Variants in ADCY8 observed in about 807,000 individuals in gnomAD.
ADCY8 encodes adenylate cyclase type 8.
ADCY8 carries 51 observed loss-of-function variants against 119.7 expected under a neutral mutation model. The observed-to-expected ratio is 0.43, with a 90% CI of 0.34 to 0.54. ADCY8 has a LOEUF of 0.54. Ranked by LOEUF, ADCY8 falls within the 20% of genes least tolerant of loss-of-function variation. The pLI, the probability that ADCY8 is intolerant of heterozygous loss-of-function variation, is 0.03. For missense variants in ADCY8, 1,383 were observed against 1,598.8 expected, an observed-to-expected ratio of 0.87 and a Z score of 2.30; for synonymous variants, 665 against 651.0, an observed-to-expected ratio of 1.02 and a Z score of -0.33.
rs1824275191 is a variant in ADCY8, at chr8:131,039,380, G to C, written c.954C>G (p.Ile318Met). 1 of 1,612,418 alleles carries C rather than the reference G, an allele frequency of 6.2e-7. No individual in the cohort carries two copies. The highest frequency in any genetic ancestry group is 8.5e-7 in the Non-Finnish European group (1 of 1,178,742). The change falls in exon 1 of 18, where the codon ATC becomes ATG. Residue 318 changes from isoleucine (I) to methionine (M), a missense_variant. Physicochemically the swap from Ile to Met is conservative, Grantham distance 10. This residue lies in a region of ADCY8 where 455 missense variants were observed against 435.3 expected (regional missense o/e 1.05). Coordinates refer to ENST00000286355, the MANE Select transcript of ADCY8 (RefSeq NM_001115.3). ...CAAGGCAGGCAGGAGTTACCTGGTT[G>C]ATGGAAATGACCGCCAGCCGGGGTA... ...VVIPRLAVIS[I>M]NQVVAQAVLF...
Position 130,800,585 on chromosome 8 carries a change from A to G in ADCY8, c.2914-13T>C. 6.2e-7 allele frequency: 1 copy of G among 1,613,502 alleles called. No individual in the cohort carries two copies. The highest frequency in any genetic ancestry group is 2.2e-5 in the East Asian group (1 of 44,860). On this transcript the variant is annotated splice_polypyrimidine_tract_variant and intron_variant, in intron 14 of 17. Transcript: ENST00000286355. ...GAGAATACAGCTCCTGGACAGAGAC[A>G]CACAGAGGGCACCAGAAATGGTCAT...
rs116304969 is a variant in ADCY8 at position 130,916,095 on chromosome 8, G to A, written c.1482-6229C>T. 5.0e-3 allele frequency among the ~76,000 whole-genome samples: 762 copies of A among 152,314 alleles called. 9 individuals are homozygous for A. Among genetic ancestry groups the A allele is most frequent in the African/African-American group, 0.015 (619 of 41,572 alleles). On this transcript the variant is annotated intron_variant, in intron 5 of 17. Coordinates refer to ENST00000286355, the MANE Select transcript of ADCY8 (RefSeq NM_001115.3). The stretch of plus-strand genomic sequence containing the variant: ...TACAAGTGAGAGAACTGAGTCACGA[G>A]AGGTATATTGCTTTACGTCACACAG...
chr8:130,941,657 C>T (rs150100324), intron 4 of ADCY8, among the ~76,000 whole-genome samples: 8 of 152,212 alleles, frequency 5.3e-5, no homozygotes, highest in Admixed American at 1.3e-4. Context: ...CTTCCTCCTC[C>T]GCCCCCGTCA....
intron 6 of ADCY8, among the ~76,000 whole-genome samples, chr8:130,905,896 C>A (rs767013777): frequency 7.9e-5 from 12 of 152,140 alleles, no homozygotes. Flanking sequence ...AAATAAAATG[C>A]AGTTTACTTT....
chr8:130,840,443 A>G lies in ADCY8; in HGVS notation c.2503-3994T>C, dbSNP rs1436197997. On this transcript the variant is annotated intron_variant, in intron 11 of 17. Coordinates refer to ENST00000286355, the MANE Select transcript of ADCY8 (RefSeq NM_001115.3). The stretch of plus-strand genomic sequence containing the variant: ...TTTTGGGGATGTGAGGAGGAGAACT[A>G]GAAGACAATAGTGAAGAAACATGTG... Among the ~76,000 whole-genome samples, 6 of 96,460 alleles carry G rather than the reference A, an allele frequency of 6.2e-5. 1 individual carries two copies. Among genetic ancestry groups the G allele is most frequent in the South Asian group, 1.2e-3 (2 of 1,604 alleles). The allele number at this position is 96,460 out of a possible 152,430, so 63.3% of individuals were successfully genotyped here. A position where few individuals can be genotyped will look rare whatever the true frequency, so the allele number is the denominator to read the frequency against.
intron 1 of ADCY8, among the ~76,000 whole-genome samples, chr8:131,037,082 A>T (rs901410824): frequency 6.6e-6 from 1 of 152,206 alleles, no homozygotes; most frequent in African/African-American, 2.4e-5. Context: ...AAGACTCTTA[A>T]GCCAATAGAG....
chr8:130,790,792 G>C (rs1360023744), intron 15 of ADCY8, among the ~76,000 whole-genome samples: 1 of 152,126 alleles, frequency 6.6e-6, no homozygotes, highest in African/African-American at 2.4e-5. Context: ...TTATACCTTT[G>C]GGCTGAGATG....
At chr8:130,786,454 A>C (rs188359081) in intron 15 of ADCY8, among the ~76,000 whole-genome samples, 1 of 152,180 alleles carries the variant, frequency 6.6e-6, no homozygotes, top group Non-Finnish European at 1.5e-5. Flanking sequence ...GAACCTGTGC[A>C]TATGTCAGGT....
intron 2 of ADCY8, among the ~76,000 whole-genome samples, chr8:130,975,168 T>C (rs1015047143): frequency 2.6e-5 from 4 of 152,192 alleles, no homozygotes. Context: ...TTTTATAATT[T>C]AATCAACACT....
At chr8:131,030,582 C>A (rs1302119527) in intron 1 of ADCY8, among the ~76,000 whole-genome samples, 1 of 152,156 alleles carries the variant, frequency 6.6e-6, no homozygotes, top group Non-Finnish European at 1.5e-5. Flanking sequence ...CAGGTGTGAA[C>A]CTCCAGCCAA....
At chr8:130,918,031 T>G (rs1218967335) in intron 5 of ADCY8, among the ~76,000 whole-genome samples, 1 of 152,174 alleles carries the variant, frequency 6.6e-6, no homozygotes, top group African/African-American at 2.4e-5. Flanking sequence ...TTCTTTTAAA[T>G]ACAACTGGAA....
At chr8:130,849,837 A>G in intron 9 of ADCY8, 34 bp from the exon 10 acceptor site, 1 of 1,583,330 alleles carries the variant, frequency 6.3e-7, no homozygotes, top group Non-Finnish European at 8.6e-7. Flanking sequence ...GGTCATTGGC[A>G]TCAATTGTCT....
chr8:130,837,605 C>A (rs1249081124), intron 11 of ADCY8, among the ~76,000 whole-genome samples: 1 of 152,212 alleles, frequency 6.6e-6, no homozygotes, highest in Non-Finnish European at 1.5e-5. Context: ...GTCTACCCCA[C>A]CAGATTTCAG....
At chr8:130,888,580 A>G (rs1819073389) in intron 7 of ADCY8, among the ~76,000 whole-genome samples, 1 of 152,062 alleles carries the variant, frequency 6.6e-6, no homozygotes, top group Admixed American at 6.6e-5. Context: ...CCTCCCTCAC[A>G]GGTGCTTGAG....
At chr8:130,957,898 C>A (rs1348758547) in intron 2 of ADCY8, among the ~76,000 whole-genome samples, 1 of 152,226 alleles carries the variant, frequency 6.6e-6, no homozygotes, top group Non-Finnish European at 1.5e-5. Flanking sequence ...TATGGAAATA[C>A]CTGGATGCTC....
intron 11 of ADCY8, 30 bp downstream of exon 11, chr8:130,847,394 T>G: frequency 6.5e-7 from 1 of 1,529,252 alleles, no homozygotes; most frequent in Non-Finnish European, 9.0e-7. Context: ...TATGTCCAAC[T>G]CTCACCAAGG....
At chr8:131,019,198 C>G (rs1438562426) in intron 1 of ADCY8, among the ~76,000 whole-genome samples, 1 of 152,152 alleles carries the variant, frequency 6.6e-6, no homozygotes, top group Non-Finnish European at 1.5e-5. Context: ...GGGTAGCTAA[C>G]TATATCAGGT....
intron 11 of ADCY8, among the ~76,000 whole-genome samples, chr8:130,840,990 A>G (rs2130277805): frequency 6.6e-6 from 1 of 152,282 alleles, no homozygotes; most frequent in Admixed American, 6.5e-5. Context: ...AGTCAAAGGC[A>G]TTTCAATAGG....
Position 131,039,426 on chromosome 8 carries a change from T to C in ADCY8, c.908A>G (p.Gln303Arg). 1 of 1,614,150 alleles carries C rather than the reference T, an allele frequency of 6.2e-7. No homozygotes were observed. Residue 303 changes from glutamine to arginine, a missense_variant, in exon 1 of 18, where the codon CAG becomes CGG. By Grantham distance (43) the Gln-to-Arg change is conservative. Transcript: ENST00000286355. ...GGGTATGACCACTTGGAGGATGACCTGCAGCAGCGAGGTGCCCAGGCCGGC... is the reference window on the plus strand; with the variant it reads ...GGGTATGACCACTTGGAGGATGACCCGCAGCAGCGAGGTGCCCAGGCCGGC... ...ILAGLGTSLL[Q>R]VILQVVIPRL...
Sources: gnomAD v4.1 joint callset for allele counts (sites outside exome capture counted in the v4.1 genomes callset) on GRCh38, gnomAD v4.1.1 for gene constraint, gnomAD v4.1.1 regional missense constraint, MANE v1.5 for transcripts, NCBI Gene and HGNC (gene_info 2026-07-23, HGNC 2026-07-21) for gene names.